Variants in DNAAF11 observed in about 807,000 individuals in gnomAD.
DNAAF11 encodes leucine rich repeat containing 6.
Under a neutral mutation model 60.8 loss-of-function variants are expected in DNAAF11, and 45 were observed. That is an observed-to-expected ratio of 0.74 (90% confidence interval 0.58 to 0.95). The LOEUF (loss-of-function observed/expected upper bound fraction) is 0.95. DNAAF11 is among the 40% of genes least tolerant of loss of function. The pLI is 0.00. For missense variants in DNAAF11, 546 were observed against 546.2 expected (o/e 1.00, Z 0.00); for synonymous variants, 191 against 183.5 (o/e 1.04, Z -0.33).
chr8:132,586,773 A>C (rs1337037110), intron 10 of DNAAF11, among the ~76,000 whole-genome samples: 1 of 151,992 alleles, frequency 6.6e-6, no homozygotes, highest in Non-Finnish European at 1.5e-5. Flanking sequence ...GTTGACTGAG[A>C]CCTTTGTTGG....
chr8:132,662,505 TG>T (rs1285440734), intron 1 of DNAAF11, among the ~76,000 whole-genome samples: 6 of 152,148 alleles, frequency 3.9e-5, no homozygotes, highest in African/African-American at 1.4e-4. Context: ...CTGTAGGATG[TG>T]GAAATATTGT....
chr8:132,673,257 C>T lies in DNAAF11; in HGVS notation c.10+2227G>A, dbSNP rs150349565. Among the ~76,000 whole-genome samples, 1,062 of 152,250 alleles carry T rather than the reference C, an allele frequency of 7.0e-3. 9 individuals carry two copies. Among genetic ancestry groups the T allele is most frequent in the Non-Finnish European group, 0.011 (737 of 68,010 alleles). On this transcript the variant is annotated intron_variant, in intron 1 of 11. Coordinates refer to ENST00000620350, the MANE Select transcript of DNAAF11 (RefSeq NM_012472.6). ...GTTACTGTGTGATTTACTCTCTGTG[C>T]CTCACCAAAGAAATAGAGATGTCAG...
chr8:132,657,736 C>CA (rs200306236), intron 2 of DNAAF11, among the ~76,000 whole-genome samples: 1,734 of 152,250 alleles, frequency 0.011, 31 homozygotes, highest in African/African-American at 0.04. Context: ...GAGTGCTTAT[C>CA]ACATGTCACA....
chr8:132,617,936 GA>G (rs1357751727), intron 7 of DNAAF11, among the ~76,000 whole-genome samples: 1 of 148,974 alleles, frequency 6.7e-6, no homozygotes, highest in Non-Finnish European at 1.5e-5. Context: ...CACAGAATTG[GA>G]AAAAACTACT....
At chr8:132,692,293 T>C in the DNAAF11 span, among the ~76,000 whole-genome samples, 15 of 152,182 alleles carry the variant, frequency 9.9e-5, no homozygotes, top group Non-Finnish European at 2.2e-4. Context: ...GTCATGGAAA[T>C]GAACTAATTT....
chr8:132,697,827 T>C, the DNAAF11 span, among the ~76,000 whole-genome samples: 3 of 152,088 alleles, frequency 2.0e-5, no homozygotes, highest in Non-Finnish European at 4.4e-5. Flanking sequence ...TCTGGTGTCA[T>C]GAGCTTCAAA....
chr8:132,649,317 G>T (rs1045184723), intron 3 of DNAAF11, among the ~76,000 whole-genome samples: 1 of 152,216 alleles, frequency 6.6e-6, no homozygotes, highest in Non-Finnish European at 1.5e-5. Context: ...CTAGCCATAT[G>T]TAGAAAGCTG....
chr8:132,586,500 C>T (rs149235257), intron 10 of DNAAF11, among the ~76,000 whole-genome samples: 3 of 152,252 alleles, frequency 2.0e-5, no homozygotes, highest in East Asian at 3.9e-4. Context: ...GATGGGATGC[C>T]GGGATTCTTC....
intron 11 of DNAAF11, among the ~76,000 whole-genome samples, chr8:132,577,822 T>C (rs1041885741): frequency 6.6e-6 from 1 of 152,006 alleles, no homozygotes; most frequent in Admixed American, 6.6e-5. Flanking sequence ...CCACCATGCC[T>C]GGCTAATTTT....
chr8:132,606,764 A>G (rs1818180396), intron 10 of DNAAF11, among the ~76,000 whole-genome samples: 1 of 152,198 alleles, frequency 6.6e-6, no homozygotes, highest in South Asian at 2.1e-4. Context: ...CCAACCTTCC[A>G]AAGCGCTGAG....
At chr8:132,594,942 C>A (rs1816833189) in intron 10 of DNAAF11, among the ~76,000 whole-genome samples, 1 of 152,062 alleles carries the variant, frequency 6.6e-6, no homozygotes, top group Non-Finnish European at 1.5e-5. Flanking sequence ...TGAGTGAATT[C>A]TCACGAGATC....
chr8:132,700,299 G>T, the DNAAF11 span, among the ~76,000 whole-genome samples: 1 of 152,172 alleles, frequency 6.6e-6, no homozygotes, highest in Non-Finnish European at 1.5e-5. Flanking sequence ...GGAGAAGCCA[G>T]CAGGAATGAG....
upstream of DNAAF11, chr8:132,675,704 A>G (rs988711535): frequency 6.7e-6 from 3 of 446,042 alleles, no homozygotes; most frequent in Non-Finnish European, 1.2e-5. Context: ...GGCTCAGCAG[A>G]CAGGGGTTCC....
upstream of DNAAF11, among the ~76,000 whole-genome samples, chr8:132,677,134 T>A (rs989981224): frequency 1.3e-5 from 2 of 152,172 alleles, no homozygotes; most frequent in Non-Finnish European, 2.9e-5. Flanking sequence ...CACTGACACG[T>A]GACACTGAGC....
At chr8:132,660,842 G>A (rs1824062387) in intron 2 of DNAAF11, among the ~76,000 whole-genome samples, 1 of 152,126 alleles carries the variant, frequency 6.6e-6, no homozygotes, top group East Asian at 1.9e-4. Context: ...TAACTGGGTG[G>A]GTAGGTTAAT....
chr8:132,640,518 G>A (rs2130581438), intron 3 of DNAAF11, among the ~76,000 whole-genome samples: 1 of 152,112 alleles, frequency 6.6e-6, no homozygotes, highest in East Asian at 1.9e-4. Flanking sequence ...CAGCTTCTCT[G>A]CCTTGTTTAT....
At chr8:132,644,539 C>T (rs369623155) in intron 3 of DNAAF11, among the ~76,000 whole-genome samples, 1 of 152,138 alleles carries the variant, frequency 6.6e-6, no homozygotes, top group African/African-American at 2.4e-5. Flanking sequence ...GGGGCCATCA[C>T]CTCACTCAGG....
intron 2 of DNAAF11, among the ~76,000 whole-genome samples, chr8:132,657,813 C>CT (rs1823733695): frequency 6.6e-6 from 1 of 152,128 alleles, no homozygotes; most frequent in Non-Finnish European, 1.5e-5. Flanking sequence ...GAGGTCAAAA[C>CT]TATTGTCTCC....
At chr8:132,621,819 C>A (rs1819792103) in intron 7 of DNAAF11, among the ~76,000 whole-genome samples, 1 of 152,128 alleles carries the variant, frequency 6.6e-6, no homozygotes, top group South Asian at 2.1e-4. Flanking sequence ...TTGGGCAAGT[C>A]ACTCCACCTC....
Sources: allele counts gnomAD v4.1 joint callset (sites outside exome capture counted in the v4.1 genomes callset), GRCh38; gene constraint gnomAD v4.1.1; transcripts MANE v1.5; gene names NCBI Gene and HGNC (gene_info 2026-07-23, HGNC 2026-07-21).